Variants in SH3BP5 observed in about 807,000 individuals in gnomAD.
SH3BP5 encodes SH3 domain-binding protein 5.
A neutral mutation model predicts 43.3 loss-of-function variants in SH3BP5; 22 were observed. The ratio of observed to expected loss-of-function variants is 0.51; its 90% CI spans 0.36 to 0.73. The LOEUF (loss-of-function observed/expected upper bound fraction) is 0.73, where lower values mean the gene tolerates loss of function less well. Ranked by LOEUF, SH3BP5 falls within the 30% of genes least tolerant of loss-of-function variation. The pLI, the probability that SH3BP5 is intolerant of heterozygous loss-of-function variation, is 0.00. For synonymous variants in SH3BP5, 255 were observed against 225.8 expected, an observed-to-expected ratio of 1.13 and a Z score of -1.16; for missense variants, 529 against 586.9, an observed-to-expected ratio of 0.90 and a Z score of 1.02.
At chr3:15,289,035 C>T (rs751869911) in intron 3 of SH3BP5, among the ~76,000 whole-genome samples, 1 of 152,190 alleles carries the variant, frequency 6.6e-6, no homozygotes, top group African/African-American at 2.4e-5. Flanking sequence ...CAGGTAGATA[C>T]AGAGATACAG....
chr3:15,334,816 G>A (rs1441632737), upstream of SH3BP5, among the ~76,000 whole-genome samples: 1 of 152,006 alleles, frequency 6.6e-6, no homozygotes, highest in Non-Finnish European at 1.5e-5. Context: ...GCCAAGTGTG[G>A]TGGCTCATGC....
At chr3:15,259,647 C>G (rs1037911541) in intron 6 of SH3BP5, 114 bp downstream of exon 6, 2 of 1,003,174 alleles carry the variant, frequency 2.0e-6, no homozygotes, top group Non-Finnish European at 3.2e-6. Flanking sequence ...TAAAGCCTGT[C>G]TCTCCACTTT....
At chr3:15,269,984 C>T (rs1696754124) in intron 3 of SH3BP5, 107 bp from the exon 4 acceptor site, 4 of 1,009,080 alleles carry the variant, frequency 4.0e-6, no homozygotes, top group Non-Finnish European at 5.7e-6. Flanking sequence ...ACAAGCTCAT[C>T]TCTGCCTCTT....
Position 15,326,460 on chromosome 3 carries a change from C to T in SH3BP5, c.201+4044G>A, listed in dbSNP as rs140531951. 7.8e-4 allele frequency among the ~76,000 whole-genome samples: 118 copies of T among 152,226 alleles called. 2 individuals carry two copies. In the East Asian group the frequency reaches 0.02, roughly 26 times the overall value. On this transcript the variant is annotated intron_variant, in intron 2 of 8. Transcript: ENST00000383791. Reference sequence around the variant, plus strand: ...ATCAGACAAAAATCACGAGAGGTGCCGAACGCCCCAGATCGCAATCAAAAG... The same window carrying T: ...ATCAGACAAAAATCACGAGAGGTGCTGAACGCCCCAGATCGCAATCAAAAG...
At chr3:15,291,143 A>G (rs1182783198) in intron 3 of SH3BP5, among the ~76,000 whole-genome samples, 1 of 152,224 alleles carries the variant, frequency 6.6e-6, no homozygotes, top group Non-Finnish European at 1.5e-5. Context: ...TTCGTCCCAG[A>G]AACACCAGGC....
chr3:15,332,456 G>A lies in SH3BP5; in HGVS notation c.-48C>T. On this transcript the variant is annotated 5_prime_UTR_variant, in exon 1 of 9. Coordinates refer to ENST00000383791, the MANE Select transcript of SH3BP5 (RefSeq NM_004844.5). ...GCGCAGTGGGCTCCGGAGCGCCCCG[G>A]GGGTCGCGGCTGCCACAGGCTGGGC... 5 of 1,467,486 alleles carry A rather than the reference G, an allele frequency of 3.4e-6. No individual in the cohort carries two copies. Among genetic ancestry groups the A allele is most frequent in the Non-Finnish European group, 4.5e-6 (5 of 1,115,830 alleles). The allele number at this position is 1,467,486 out of a possible 1,614,324, so 90.9% of individuals were successfully genotyped here.
chr3:15,330,808 G>C, intron 1 of SH3BP5: 1 of 948,820 alleles, frequency 1.1e-6, no homozygotes, highest in South Asian at 4.9e-5. Flanking sequence ...TTTGGAATTT[G>C]TCAGAGGTCA....
In SH3BP5 at chr3:15,332,493, C is replaced by T. The variant is rs1428998561; in HGVS notation, c.-85G>A. 7.4e-7 allele frequency: 1 copy of T among 1,343,514 alleles called. No individual in the cohort carries two copies. Among genetic ancestry groups the T allele is most frequent in the Non-Finnish European group, 9.5e-7 (1 of 1,054,712 alleles). The allele number at this position is 1,343,514 out of a possible 1,614,324, so 83.2% of individuals were successfully genotyped here. ...GCCACAGGCTGGGCTGGAGCCGCCT[C>T]GCCACAGCCGGGCACGGTCGGGGAG... On this transcript the variant is annotated 5_prime_UTR_variant, in exon 1 of 9. Transcript: ENST00000383791.
intron 3 of SH3BP5, among the ~76,000 whole-genome samples, chr3:15,303,542 T>C (rs2125110755): frequency 6.6e-6 from 1 of 152,088 alleles, no homozygotes; most frequent in South Asian, 2.1e-4. Context: ...CTGATCACAG[T>C]CCCCTCCGCC....
chr3:15,256,743 G>A, intron 8 of SH3BP5, 110 bp downstream of exon 8: 1 of 1,251,730 alleles, frequency 8.0e-7, no homozygotes, highest in South Asian at 1.5e-5. Flanking sequence ...ACAGAGACCT[G>A]GTAATGCAGC....
intron 6 of SH3BP5, 98 bp from the exon 7 acceptor site, chr3:15,259,148 A>G (rs9813606): frequency 0.027 from 25,569 of 953,274 alleles, 921 homozygotes; most frequent in African/African-American, 0.13. Context: ...CCATCATTCT[A>G]CTTCAAGGAA....
intron 3 of SH3BP5, among the ~76,000 whole-genome samples, chr3:15,295,737 T>C (rs1268917430): frequency 6.6e-6 from 1 of 152,226 alleles, no homozygotes; most frequent in Non-Finnish European, 1.5e-5. Context: ...ACATCCGCTG[T>C]GCATGACGAA....
At chr3:15,332,205 C>T (rs888670448) in intron 1 of SH3BP5, 66 bp downstream of exon 1, 3 of 1,543,974 alleles carry the variant, frequency 1.9e-6, no homozygotes, top group Admixed American at 3.9e-5. Context: ...TGGCTGTACG[C>T]GTAGACACCG....
chr3:15,339,149 G>A (rs557256623), intron 1 of SH3BP5, among the ~76,000 whole-genome samples: 1 of 152,280 alleles, frequency 6.6e-6, no homozygotes, highest in African/African-American at 2.4e-5. Context: ...AGGGATCAGA[G>A]CCTCCACATT....
At chr3:15,268,145 C>T (rs951653287) in intron 4 of SH3BP5, among the ~76,000 whole-genome samples, 1 of 152,200 alleles carries the variant, frequency 6.6e-6, no homozygotes, top group South Asian at 2.1e-4. Flanking sequence ...CAAGGCCACA[C>T]AAAGCCAAGC....
intron 3 of SH3BP5, among the ~76,000 whole-genome samples, chr3:15,280,658 A>G (rs1697100604): frequency 6.6e-6 from 1 of 152,082 alleles, no homozygotes; most frequent in Non-Finnish European, 1.5e-5. Flanking sequence ...TCTGTCCCCA[A>G]AACACACACG....
At chr3:15,259,452 T>A (rs1008909796) in intron 6 of SH3BP5, 2 of 532,074 alleles carry the variant, frequency 3.8e-6, no homozygotes, top group Non-Finnish European at 6.8e-6. Context: ...GAGTTTCTAA[T>A]TCAGTCGGTC....
Position 15,273,187 on chromosome 3 carries a change from C to T in SH3BP5, c.331-3310G>A, listed in dbSNP as rs9822373. 6,900 of 985,304 alleles carry T rather than the reference C, an allele frequency of 7.0e-3. 346 individuals carry two copies. In the African/African-American group the frequency reaches 0.11, roughly 15 times the overall value. The allele number at this position is 985,304 out of a possible 1,614,324, so 61.0% of individuals were successfully genotyped here. ...ATCCTAAAATGGGATTTGTATTTGCCTTTTTAGGAATTTTTTAGTATTTCA... is the reference window on the plus strand; with the variant it reads ...ATCCTAAAATGGGATTTGTATTTGCTTTTTTAGGAATTTTTTAGTATTTCA... On this transcript the variant is annotated intron_variant, in intron 3 of 8. Coordinates refer to ENST00000383791, the MANE Select transcript of SH3BP5 (RefSeq NM_004844.5).
At chr3:15,264,495 T>C (rs1170774923) in intron 4 of SH3BP5, 1 of 152,212 alleles carries the variant, frequency 6.6e-6, no homozygotes, top group Non-Finnish European at 1.5e-5. Flanking sequence ...ACGAGAAAAT[T>C]TTATATTTGT....
Sources: gnomAD v4.1 joint callset for allele counts (sites outside exome capture counted in the v4.1 genomes callset) on GRCh38, gnomAD v4.1.1 for gene constraint, MANE v1.5 for transcripts, NCBI Gene and HGNC (gene_info 2026-07-23, HGNC 2026-07-21) for gene names.